TTK: variants seen among roughly 807,000 people sequenced by gnomAD.
TTK encodes the protein TTK protein kinase, also known as dual specificity protein kinase TTK.
TTK carries 59 observed loss-of-function variants against 117.3 expected under a neutral mutation model. That is an observed-to-expected ratio of 0.50 (90% CI 0.41 to 0.62). The LOEUF (loss-of-function observed/expected upper bound fraction) is 0.62. TTK is among the 20% of genes least tolerant of loss of function. The probability of loss-of-function intolerance (pLI) is 0.00; values close to 1 mark genes in which losing one functional copy is unlikely to be tolerated. For missense variants in TTK, 921 were observed against 989.4 expected (o/e 0.93, Z 0.93); for synonymous variants, 302 against 325.0 (o/e 0.93, Z 0.76).
chr6:80,018,072 G>A (rs1326801327), intron 10 of TTK, among the ~76,000 whole-genome samples: 1 of 151,830 alleles, frequency 6.6e-6, no homozygotes, highest in Non-Finnish European at 1.5e-5. Flanking sequence ...CTATGCAGGA[G>A]GCTGAGGTGA....
Position 80,038,158 on chromosome 6 carries a change from C to T in TTK, c.2130+111C>T, listed in dbSNP as rs920345158. 12 of 618,786 alleles carry T rather than the reference C, an allele frequency of 1.9e-5. No individual in the cohort carries two copies. The African/African-American group carries it at 2.1e-4, about 11-fold the overall frequency. The allele number at this position is 618,786 out of a possible 1,614,324, so 38.3% of individuals were successfully genotyped here. A position where few individuals can be genotyped will look rare whatever the true frequency, so the allele number is the denominator to read the frequency against. On this transcript the variant is annotated intron_variant, in intron 18 of 21. Coordinates refer to ENST00000369798, the MANE Select transcript of TTK (RefSeq NM_003318.5). ...TCTTTAAGTTCTAAAACTTTTTAGGCCATTACAGAGACATTGCTGGTTTTT... is the reference window on the plus strand; with the variant it reads ...TCTTTAAGTTCTAAAACTTTTTAGGTCATTACAGAGACATTGCTGGTTTTT...
At chr6:80,008,340 A>G in intron 3 of TTK, 46 bp from the exon 4 acceptor site, 1 of 1,547,856 alleles carries the variant, frequency 6.5e-7, no homozygotes, top group Non-Finnish European at 8.8e-7. Flanking sequence ...AAATTTAAGT[A>G]GCTATGTTCT....
At chr6:80,035,673 G>C (rs1209110308) in intron 16 of TTK, among the ~76,000 whole-genome samples, 1 of 152,144 alleles carries the variant, frequency 6.6e-6, no homozygotes, top group African/African-American at 2.4e-5. Flanking sequence ...AACGTAGTCT[G>C]TCATCCTTAT....
intron 12 of TTK, 35 bp from the exon 13 acceptor site, chr6:80,027,850 A>C: frequency 7.1e-7 from 1 of 1,406,892 alleles, no homozygotes; most frequent in Non-Finnish European, 9.6e-7. Context: ...GTTAAATTGT[A>C]ATGTTTTAAA....
chr6:80,014,703 A>T, intron 10 of TTK, 117 bp downstream of exon 10: 2 of 1,116,186 alleles, frequency 1.8e-6, no homozygotes, highest in South Asian at 4.2e-5. Flanking sequence ...ATGTTCTTTT[A>T]TCTTGAATTT....
rs931866759 is a variant in TTK, at chr6:80,025,178, G to A, written c.1258-1200G>A. Among the ~76,000 whole-genome samples, 14 of 152,182 alleles carry A rather than the reference G, an allele frequency of 9.2e-5. No individual in the cohort carries two copies. In the East Asian group the frequency reaches 1.4e-3, roughly 15 times the overall value. On this transcript the variant is annotated intron_variant, in intron 11 of 21. Coordinates refer to ENST00000369798, the MANE Select transcript of TTK (RefSeq NM_003318.5). The stretch of plus-strand genomic sequence containing the variant: ...GATGCTAACATTCCACTCTATGATC[G>A]TGATCTTTTTCATTTTCCTTGTTCA...
chr6:80,006,412 CTGTT>C (rs1009319659), intron 2 of TTK, among the ~76,000 whole-genome samples: 11 of 152,222 alleles, frequency 7.2e-5, no homozygotes, highest in African/African-American at 2.4e-4. Flanking sequence ...TGGTGGCTGA[CTGTT>C]CACTTTGAAA....
intron 1 of TTK, among the ~76,000 whole-genome samples, chr6:80,005,347 G>C (rs1766961358): frequency 6.6e-6 from 1 of 152,144 alleles, no homozygotes; most frequent in Non-Finnish European, 1.5e-5. Flanking sequence ...GAATAAATCT[G>C]CGGATTTCCT....
rs568280879 is a variant in TTK at position 80,034,835 on chromosome 6, T to TCTACACTCAAAATAGGC, written c.1615-148_1615-132dup. On this transcript the variant is annotated intron_variant, in intron 14 of 21. Transcript: ENST00000369798. ...TGCTATCAGAATTATTTTTCTTCCT[T>TCTACACTCAAAATAGGC]CTACACTCAAAATAGGCCCAGAAAC... The TCTACACTCAAAATAGGC allele has an allele frequency of 2.0e-4, 115 of 580,606 alleles. No homozygotes were observed. The African/African-American group carries it at 2.1e-3, about 11-fold the overall frequency. The allele number at this position is 580,606 out of a possible 1,614,324, so 36.0% of individuals were successfully genotyped here. A position where few individuals can be genotyped will look rare whatever the true frequency, so the allele number is the denominator to read the frequency against.
At chr6:80,006,927 G>T (rs901798313) in intron 2 of TTK, among the ~76,000 whole-genome samples, 4 of 152,158 alleles carry the variant, frequency 2.6e-5, no homozygotes, top group African/African-American at 9.7e-5. Flanking sequence ...GAAAGTGACT[G>T]AAGTTAATAG....
chr6:80,011,676 A>C, intron 6 of TTK, 53 bp from the exon 7 acceptor site: 1 of 1,590,058 alleles, frequency 6.3e-7, no homozygotes, highest in Non-Finnish European at 8.6e-7. Flanking sequence ...TAGAGTAGAA[A>C]TACATATTAA....
At chr6:80,037,268 A>T (rs1767929314) in intron 17 of TTK, among the ~76,000 whole-genome samples, 1 of 152,144 alleles carries the variant, frequency 6.6e-6, no homozygotes, top group African/African-American at 2.4e-5. Flanking sequence ...ATGATGGACG[A>T]CATGCCCTAT....
At chr6:80,039,606 G>A (rs963842891) in intron 18 of TTK, 90 bp from the exon 19 acceptor site, 22 of 959,922 alleles carry the variant, frequency 2.3e-5, no homozygotes, top group Non-Finnish European at 3.1e-5. Flanking sequence ...ATTTAATTAT[G>A]ATTTTAAATA....
rs995307202 is a variant in TTK at position 80,042,475 on chromosome 6, A to G, written c.*273A>G. The G allele has an allele frequency of 1.4e-5, 3 of 213,074 alleles. No homozygotes were observed. In the Admixed American group the frequency reaches 1.7e-4, roughly 12 times the overall value. 13.2% of individuals were successfully genotyped at this position (213,074 alleles called of 1,614,324 possible). The stretch of plus-strand genomic sequence containing the variant: ...GGAATAGTGGGTGGATAGCAAGTAT[A>G]TTCTAAAAAACTTTGTAAATAAAGT... On this transcript the variant is annotated 3_prime_UTR_variant, in exon 22 of 22. Coordinates refer to ENST00000369798, the MANE Select transcript of TTK (RefSeq NM_003318.5).
At chr6:80,038,464 C>T (rs965544467) in intron 18 of TTK, among the ~76,000 whole-genome samples, 2 of 152,236 alleles carry the variant, frequency 1.3e-5, no homozygotes, top group South Asian at 2.1e-4. Context: ...GACCTGTATT[C>T]ATTCAAGTCA....
At position 80,014,534 on chromosome 6, in the gene TTK, T is replaced by G; in HGVS notation, c.1056T>G (p.Asp352Glu). ...DEKSSELIIT[D>E]SITLKNKTES... is the part of the protein sequence containing the mutation. ...AGAGTTCTGAACTTATTATTACTGA[T>G]TCAATAACCCTGAAGAATAAAACGG... The change falls in exon 10 of 22, where the codon GAT (aspartate) becomes GAG (glutamate). Residue 352 changes from aspartate (D) to glutamate (E), a missense_variant. By Grantham distance (45) the Asp-to-Glu change is conservative. Coordinates refer to ENST00000369798, the MANE Select transcript of TTK (RefSeq NM_003318.5). 1.2e-6 allele frequency: 2 copies of G among 1,609,102 alleles called. No homozygotes were observed. Among genetic ancestry groups the G allele is most frequent in the Non-Finnish European group, 1.7e-6 (2 of 1,177,440 alleles).
chr6:80,037,270 A>C (rs1199753349), intron 17 of TTK, among the ~76,000 whole-genome samples: 2 of 152,170 alleles, frequency 1.3e-5, no homozygotes, highest in Non-Finnish European at 2.9e-5. Flanking sequence ...GATGGACGAC[A>C]TGCCCTATTT....
intron 14 of TTK, among the ~76,000 whole-genome samples, 185 bp from the exon 15 acceptor site, chr6:80,034,800 A>T (rs1767851006): frequency 6.6e-6 from 1 of 152,152 alleles, no homozygotes; most frequent in Non-Finnish European, 1.5e-5. Flanking sequence ...TTGGGAATGG[A>T]CTGTTACTCT....
intron 1 of TTK, 39 bp from the exon 2 acceptor site, chr6:80,005,803 G>C (rs1040426487): frequency 6.3e-7 from 1 of 1,588,434 alleles, no homozygotes; most frequent in African/African-American, 1.4e-5. Context: ...TTTGATGCTA[G>C]TTAAAGTAGG....
Sources: gnomAD v4.1 joint callset for allele counts (sites outside exome capture counted in the v4.1 genomes callset) on GRCh38, gnomAD v4.1.1 for gene constraint, MANE v1.5 for transcripts, NCBI Gene and HGNC (gene_info 2026-07-23, HGNC 2026-07-21) for gene names.